The following STRIP2 variants were observed in gnomAD, a reference collection of about 807,000 sequenced individuals.
The protein encoded by STRIP2 is striatin-interacting protein 2.
In STRIP2, 84 loss-of-function variants were observed where a neutral mutation model predicts 107.1. That is an observed-to-expected ratio of 0.78 (90% CI 0.66 to 0.94). The LOEUF (loss-of-function observed/expected upper bound fraction) is 0.94. STRIP2 is among the 40% of genes least tolerant of loss of function. The pLI, the probability that STRIP2 is intolerant of heterozygous loss-of-function variation, is 0.00. For missense variants in STRIP2, 888 were observed against 1,034.2 expected, an observed-to-expected ratio of 0.86 and a Z score of 1.94; for synonymous variants, 394 against 400.4, an observed-to-expected ratio of 0.98 and a Z score of 0.19.
At chr7:129,479,648 C>T (rs1392714518) in intron 18 of STRIP2, among the ~76,000 whole-genome samples, 1 of 151,772 alleles carries the variant, frequency 6.6e-6, no homozygotes, top group East Asian at 1.9e-4. Context: ...TGCCACCATG[C>T]CCAGCTAATT....
At position 129,461,692 on chromosome 7, in the gene STRIP2, AAGT is replaced by A. The variant is rs2151005230; in HGVS notation, c.1477-1270_1477-1268del. On this transcript the variant is annotated intron_variant, in intron 13 of 20. Coordinates refer to ENST00000249344, the MANE Select transcript of STRIP2 (RefSeq NM_020704.3). This position sits in a 1 kb window ranked among gnomAD's most constrained non-coding sequence, Gnocchi z 4.0. ...ACCTTGATAAGAACAACTCTAAGTGAAGTAGTGGGACTGAAAGCCTAATTGGAG... is the reference window on the plus strand; with the variant it reads ...ACCTTGATAAGAACAACTCTAAGTGAAGTGGGACTGAAAGCCTAATTGGAG... Among the ~76,000 whole-genome samples the A allele has an allele frequency of 6.6e-6, 1 of 152,330 alleles. No individual in the cohort carries two copies. Among genetic ancestry groups the A allele is most frequent in the East Asian group, 1.9e-4 (1 of 5,182 alleles).
rs1392541138 is a variant in STRIP2, at chr7:129,485,646, T to C, written c.2322T>C (p.Phe774=). 6.2e-7 allele frequency: 1 copy of C among 1,613,988 alleles called. No homozygotes were observed. The highest frequency in any genetic ancestry group is 2.2e-5 in the East Asian group (1 of 44,848). ...CCTTGAGGGCCAACATTGAGGCTTT[T>C]AACAGCCGTCGCTATGACAGACCCC... The part of the protein sequence containing the change: ...ECTLRANIEA[F]NSRRYDRPQD... Residue 774 remains phenylalanine (F), a synonymous_variant, in exon 21 of 21, where the codon TTT becomes TTC. Transcript: ENST00000249344.
At chr7:129,455,578 G>A (rs1798324136) in intron 8 of STRIP2, among the ~76,000 whole-genome samples, 1 of 152,172 alleles carries the variant, frequency 6.6e-6, no homozygotes, top group Non-Finnish European at 1.5e-5. Flanking sequence ...TTGGATGGAT[G>A]GGAGATGCCA....
intron 18 of STRIP2, among the ~76,000 whole-genome samples, chr7:129,475,345 TTTTA>T (rs1422524941): frequency 1.3e-5 from 2 of 151,686 alleles, no homozygotes; most frequent in African/African-American, 4.8e-5. Context: ...TTTTTTTATT[TTTTA>T]TTTATTTTTT....
Position 129,437,448 on chromosome 7 carries a change from AAAAG to A in STRIP2, c.130-2568_130-2565del, listed in dbSNP as rs201026052. 6.4e-3 allele frequency among the ~76,000 whole-genome samples: 971 copies of A among 151,996 alleles called. 33 individuals carry two copies. Among genetic ancestry groups the A allele is most frequent in the Admixed American group, 0.05 (770 of 15,258 alleles). On this transcript the variant is annotated intron_variant, in intron 1 of 20. Coordinates refer to ENST00000249344, the MANE Select transcript of STRIP2 (RefSeq NM_020704.3). Reference sequence around the variant, plus strand: ...AAGACCCTGTCTTAAAAAAAAAAAGAAAAGAAAGAGAATAATAGAAAATATCACT... The same window carrying A: ...AAGACCCTGTCTTAAAAAAAAAAAGAAAAGAGAATAATAGAAAATATCACT...
At chr7:129,435,335 A>C (rs1267073927) in intron 1 of STRIP2, among the ~76,000 whole-genome samples, 1 of 152,172 alleles carries the variant, frequency 6.6e-6, no homozygotes, top group African/African-American at 2.4e-5. Flanking sequence ...AATTATTATC[A>C]CTTCCCTATC....
intron 4 of STRIP2, among the ~76,000 whole-genome samples, chr7:129,452,067 C>T: frequency 6.6e-6 from 1 of 152,108 alleles, no homozygotes. Flanking sequence ...TATGTACCAC[C>T]AGCTGATCAT....
intron 12 of STRIP2, 125 bp from the exon 13 acceptor site, chr7:129,460,175 AT>A: frequency 1.4e-6 from 1 of 723,210 alleles, no homozygotes; most frequent in East Asian, 2.7e-5. Context: ...GAAAGAGTTC[AT>A]GTCTATGTGG....
In STRIP2 at chr7:129,485,797, A is replaced by G. The variant is rs754596779; in HGVS notation, c.2473A>G (p.Ile825Val). The G allele has an allele frequency of 1.9e-6, 3 of 1,614,096 alleles. No homozygotes were observed. The Admixed American group carries it at 5.0e-5, about 27-fold the overall frequency. The change falls in exon 21 of 21, where the codon ATC (isoleucine) becomes GTC (valine). Residue 825 changes from isoleucine (I) to valine (V), a missense_variant. Ile to Val is a conservative substitution (Grantham distance 29). Coordinates refer to ENST00000249344, the MANE Select transcript of STRIP2 (RefSeq NM_020704.3). ...CGAGAGAGAGGTGTTTTCACAGCCC[A>G]TCTGTTGGGAGGAGCTGCTCCAGAA... ...WLEREVFSQP[I>V]CWEELLQNH
intron 13 of STRIP2, among the ~76,000 whole-genome samples, chr7:129,462,558 C>A (rs1042164293): frequency 2.0e-5 from 3 of 152,210 alleles, no homozygotes; most frequent in Non-Finnish European, 2.9e-5. Context: ...TTAAAAGCTT[C>A]TTTGCTAATA....
At chr7:129,463,252 G>A (rs1309434422) in intron 14 of STRIP2, among the ~76,000 whole-genome samples, 1 of 152,192 alleles carries the variant, frequency 6.6e-6, no homozygotes. Context: ...GAAGGGTGGG[G>A]AATAAGTTGG....
chr7:129,443,995 A>G, intron 2 of STRIP2, 29 bp from the exon 3 acceptor site: 2 of 1,580,316 alleles, frequency 1.3e-6, no homozygotes, highest in Non-Finnish European at 1.7e-6. Flanking sequence ...GATCTCCCGA[A>G]TGTGACTGTT....
At chr7:129,477,193 A>AGGTAGG (rs1798988209) in intron 18 of STRIP2, among the ~76,000 whole-genome samples, 1 of 23,530 alleles carries the variant, frequency 4.2e-5, no homozygotes, top group Non-Finnish European at 7.5e-5. Flanking sequence ...CCGTGGGGAG[A>AGGTAGG]GGGAGGGGGA....
At chr7:129,447,651 T>G (rs1458860239) in intron 3 of STRIP2, among the ~76,000 whole-genome samples, 2 of 152,378 alleles carry the variant, frequency 1.3e-5, no homozygotes, top group South Asian at 4.1e-4. Flanking sequence ...GGTATATTGC[T>G]GTCCCAGCCA....
chr7:129,470,596 A>G lies in STRIP2; in HGVS notation c.1878-53A>G, dbSNP rs1272789327. On this transcript the variant is annotated intron_variant, in intron 17 of 20. Transcript: ENST00000249344. ...CTCCTGCCCTTTCCAGATACAGCCA[A>G]TTCCTGCTGTTGCCATTTACCTAAA... 2.3e-5 allele frequency: 34 copies of G among 1,450,808 alleles called. No individual in the cohort carries two copies. In the East Asian group the frequency reaches 7.5e-4, roughly 32 times the overall value. The allele number at this position is 1,450,808 out of a possible 1,614,324, so 89.9% of individuals were successfully genotyped here. A position where few individuals can be genotyped will look rare whatever the true frequency, so the allele number is the denominator to read the frequency against.
intron 18 of STRIP2, among the ~76,000 whole-genome samples, chr7:129,478,983 T>G (rs1799045246): frequency 6.6e-6 from 1 of 152,092 alleles, no homozygotes; most frequent in Non-Finnish European, 1.5e-5. Context: ...TCTTAAAAAT[T>G]TAAAAGTCTG....
At chr7:129,462,820 C>A (rs1455759829) in intron 13 of STRIP2, 146 bp from the exon 14 acceptor site, 5 of 618,246 alleles carry the variant, frequency 8.1e-6, no homozygotes, top group Non-Finnish European at 1.5e-5. Context: ...CAAGGTCACA[C>A]AGTGAGTCAT....
chr7:129,456,682 G>A, intron 9 of STRIP2, 40 bp downstream of exon 9: 1 of 1,558,658 alleles, frequency 6.4e-7, no homozygotes, highest in South Asian at 1.1e-5. Context: ...GACACCGACT[G>A]GCCAAAAATC....
At position 129,434,456 on chromosome 7, in the gene STRIP2, A is replaced by T. The variant is rs1219921507; in HGVS notation, c.-17A>T. On this transcript the variant is annotated 5_prime_UTR_variant, in exon 1 of 21. Coordinates refer to ENST00000249344, the MANE Select transcript of STRIP2 (RefSeq NM_020704.3). ...GCAAAGCGAGCTGAACCCTGAGGGGAGCCGCTGACCAGCAGCATGGAGGAC... is the reference window on the plus strand; with the variant it reads ...GCAAAGCGAGCTGAACCCTGAGGGGTGCCGCTGACCAGCAGCATGGAGGAC... 1.0e-5 allele frequency: 15 copies of T among 1,497,822 alleles called. No individual in the cohort carries two copies. The highest frequency in any genetic ancestry group is 1.3e-5 in the Non-Finnish European group (15 of 1,130,074). The allele number at this position is 1,497,822 out of a possible 1,614,324, so 92.8% of individuals were successfully genotyped here.
Sources: gnomAD v4.1 joint callset for allele counts (sites outside exome capture counted in the v4.1 genomes callset) on GRCh38, gnomAD v4.1.1 for gene constraint, Gnocchi (gnomAD v3.1) non-coding constraint, MANE v1.5 for transcripts, NCBI Gene and HGNC (gene_info 2026-07-23, HGNC 2026-07-21) for gene names.